Variants in ZNF718 observed in about 807,000 individuals in gnomAD.
ZNF718 encodes zinc finger protein 718.
ZNF718 carries 3 observed loss-of-function variants against 2.6 expected under a neutral mutation model. The ratio of observed to expected loss-of-function variants is 1.16; its 90% CI spans 0.53 to 3.01. The LOEUF (loss-of-function observed/expected upper bound fraction) is 3.01. Ranked by LOEUF, ZNF718 falls within the 30% of genes most tolerant of loss-of-function variation. ZNF718 has a pLI of 0.03. For missense variants in ZNF718, 468 were observed against 230.0 expected, an observed-to-expected ratio of 2.03 and a Z score of -6.69; for synonymous variants, 135 against 77.9, an observed-to-expected ratio of 1.73 and a Z score of -3.86.
intron 3 of ZNF718, among the ~76,000 whole-genome samples, chr4:172,647 A>C (rs548024908): frequency 6.6e-6 from 1 of 152,356 alleles, no homozygotes; most frequent in East Asian, 1.9e-4. Context: ...TGTCTATTAT[A>C]GTAAACACCT....
At chr4:138,435 A>G (rs74453587) in intron 3 of ZNF718, among the ~76,000 whole-genome samples, 359 of 152,204 alleles carry the variant, frequency 2.4e-3, no homozygotes, top group African/African-American at 8.0e-3. Flanking sequence ...CTCTAGTTCC[A>G]TCCATGTTGT....
At chr4:131,073 G>T (rs1329425342) in intron 2 of ZNF718, among the ~76,000 whole-genome samples, 159 bp downstream of exon 2, 5,414 of 103,858 alleles carry the variant, frequency 0.052, 1,793 homozygotes, top group African/African-American at 0.13. Flanking sequence ...AAATCTTTAG[G>T]ATGTTTCATC....
intron 3 of ZNF718, among the ~76,000 whole-genome samples, chr4:180,295 G>A (rs1188327350): frequency 6.6e-6 from 1 of 152,002 alleles, no homozygotes; most frequent in African/African-American, 2.4e-5. Context: ...TATAATCCAG[G>A]TTCAAAAAAT....
At chr4:180,878 C>A (rs943048372) in intron 3 of ZNF718, among the ~76,000 whole-genome samples, 5 of 152,148 alleles carry the variant, frequency 3.3e-5, no homozygotes, top group Non-Finnish European at 5.9e-5. Context: ...ATTGTATTAA[C>A]TCATAAGAGT....
intron 3 of ZNF718, among the ~76,000 whole-genome samples, chr4:155,290 C>T (rs1041821791): frequency 3.9e-5 from 6 of 152,154 alleles, no homozygotes; most frequent in Non-Finnish European, 8.8e-5. Context: ...CTGTGAGAAG[C>T]AGGCCACTGT....
intron 3 of ZNF718, among the ~76,000 whole-genome samples, chr4:198,993 A>G (rs1425546240): frequency 1.3e-5 from 2 of 152,246 alleles, no homozygotes; most frequent in East Asian, 3.9e-4. Context: ...AAACCTGGAA[A>G]TAGCAGAGCA....
chr4:175,683 G>C (rs568459158), intron 3 of ZNF718, among the ~76,000 whole-genome samples: 16 of 151,852 alleles, frequency 1.1e-4, no homozygotes, highest in Admixed American at 4.6e-4. Flanking sequence ...GTAATATTTT[G>C]ATGTTTATAT....
intron 1 of ZNF718, among the ~76,000 whole-genome samples, chr4:126,150 A>G (rs1553807977): frequency 6.6e-6 from 1 of 152,166 alleles, no homozygotes; most frequent in African/African-American, 2.4e-5. Flanking sequence ...TTTTCTGTGC[A>G]TACAGTGTGC....
chr4:135,411 C>T (rs1480296565), intron 3 of ZNF718, among the ~76,000 whole-genome samples: 2 of 151,844 alleles, frequency 1.3e-5, no homozygotes, highest in African/African-American at 4.8e-5. Context: ...ACATTGGTTC[C>T]ATCTTGAAAG....
In ZNF718 at chr4:191,144, C is replaced by CTT. The variant is rs1194078764; in HGVS notation, c.227-9918_227-9917dup. Among the ~76,000 whole-genome samples, 165 of 122,268 alleles carry CTT rather than the reference C, an allele frequency of 1.3e-3. 2 individuals are homozygous for CTT. The highest frequency in any genetic ancestry group is 2.6e-3 in the African/African-American group (81 of 30,770). The allele number at this position is 122,268 out of a possible 152,430, so 80.2% of individuals were successfully genotyped here. ...CTAAAATCAAAAACCAGACATAAGT[C>CTT]TTTTTTTTTTTTTTTTTTTTGAGAT... On this transcript the variant is annotated intron_variant and NMD_transcript_variant, in intron 3 of 4. Transcript: ENST00000642529.
chr4:174,168 C>T (rs1434531302), intron 3 of ZNF718, among the ~76,000 whole-genome samples: 4 of 152,090 alleles, frequency 2.6e-5, no homozygotes, highest in South Asian at 2.1e-4. Context: ...CATTCTTCCC[C>T]GAAGCTTTGC....
intron 3 of ZNF718, among the ~76,000 whole-genome samples, chr4:140,095 A>T (rs1333843015): frequency 1.3e-5 from 2 of 151,988 alleles, no homozygotes. Context: ...CACATGTTTT[A>T]AGGGACTTAA....
chr4:165,423 A>T (rs959265720), downstream of ZNF718, among the ~76,000 whole-genome samples: 20 of 152,370 alleles, frequency 1.3e-4, no homozygotes, highest in Admixed American at 9.2e-4. Flanking sequence ...TAAAGCATCA[A>T]TATGAGTGGG....
chr4:177,647 A>C (rs1553819256), intron 3 of ZNF718, among the ~76,000 whole-genome samples: 1 of 152,146 alleles, frequency 6.6e-6, no homozygotes, highest in Non-Finnish European at 1.5e-5. Flanking sequence ...ATATTAACCT[A>C]CTTTTTTCCC....
chr4:197,337 G>C (rs1306225394), intron 3 of ZNF718, among the ~76,000 whole-genome samples: 10 of 151,792 alleles, frequency 6.6e-5, no homozygotes, highest in African/African-American at 2.4e-4. Flanking sequence ...TATAAAAAAA[G>C]ATGGGGCTAA....
At chr4:199,098 C>G (rs564872886) in intron 3 of ZNF718, among the ~76,000 whole-genome samples, 1 of 152,296 alleles carries the variant, frequency 6.6e-6, no homozygotes, top group South Asian at 2.1e-4. Context: ...GATGGCAAGG[C>G]AAGCTGGCTG....
chr4:140,200 A>G (rs567849782), intron 3 of ZNF718, among the ~76,000 whole-genome samples: 83 of 152,148 alleles, frequency 5.5e-4, no homozygotes, highest in African/African-American at 2.0e-3. Flanking sequence ...GTTCATGGCT[A>G]TTTTTATAAA....
At chr4:160,143 C>T (rs1290995595) in intron 3 of ZNF718, among the ~76,000 whole-genome samples, 2 of 152,208 alleles carry the variant, frequency 1.3e-5, no homozygotes, top group Non-Finnish European at 2.9e-5. Context: ...TCTTTCAGCA[C>T]CCTGTATTAT....
intron 1 of ZNF718, among the ~76,000 whole-genome samples, chr4:127,525 A>G (rs1715267341): frequency 9.6e-6 from 1 of 104,408 alleles, no homozygotes; most frequent in Non-Finnish European, 2.1e-5. Flanking sequence ...CCTTTGCCCA[A>G]ATGCCCGCAA....
Sources: allele counts gnomAD v4.1 joint callset (sites outside exome capture counted in the v4.1 genomes callset), GRCh38; gene constraint gnomAD v4.1.1; transcripts MANE v1.5; gene names NCBI Gene and HGNC (gene_info 2026-07-23, HGNC 2026-07-21).